Variants in FAT4 observed in about 807,000 individuals in gnomAD.
The protein encoded by FAT4 is protocadherin Fat 4.
FAT4 carries 84 observed loss-of-function variants against 303.9 expected under a neutral mutation model. The ratio of observed to expected loss-of-function variants is 0.28; its 90% CI spans 0.23 to 0.33. The LOEUF (loss-of-function observed/expected upper bound fraction) is 0.33, where lower values mean the gene tolerates loss of function less well. Among genes scored for constraint, FAT4 ranks in the 10% least tolerant of loss-of-function variants. The probability of loss-of-function intolerance (pLI) is 1.00; values close to 1 mark genes in which losing one functional copy is unlikely to be tolerated. For synonymous variants in FAT4, 2,307 were observed against 2,298.8 expected, an observed-to-expected ratio of 1.00 and a Z score of -0.10; for missense variants, 6,005 against 6,146.8, an observed-to-expected ratio of 0.98 and a Z score of 0.77.
rs1282764890 is a variant in FAT4, at chr4:125,452,321, A to C, written c.11311A>C (p.Asn3771His). 6.2e-7 allele frequency: 1 copy of C among 1,614,238 alleles called. No homozygotes were observed. The highest frequency in any genetic ancestry group is 8.5e-7 in the Non-Finnish European group (1 of 1,180,040). ...RTFLLAAVKR[N>H]HNQYVNPSGV... Reference sequence around the variant, plus strand: ...GTTTCTTTTGGCAGCTGTGAAGCGAAATCATAATCAGTATGTGAATCCCAG... The same window carrying C: ...GTTTCTTTTGGCAGCTGTGAAGCGACATCATAATCAGTATGTGAATCCCAG... Residue 3771 changes from asparagine (N) to histidine (H), a missense_variant, in exon 10 of 18, where the codon AAT (asparagine) becomes CAT (histidine). Transcript: ENST00000394329.
At chr4:125,332,193 C>T (rs1460696438) in intron 2 of FAT4, among the ~76,000 whole-genome samples, 11 of 143,160 alleles carry the variant, frequency 7.7e-5, no homozygotes, top group African/African-American at 2.9e-4. Flanking sequence ...TCAATTTCCT[C>T]AACAAGCCTG....
At chr4:125,391,464 A>G (rs1334996472) in intron 2 of FAT4, among the ~76,000 whole-genome samples, 2 of 152,154 alleles carry the variant, frequency 1.3e-5, no homozygotes, top group Admixed American at 1.3e-4. Flanking sequence ...TGGAAGTTGA[A>G]CAATGAGAAC....
intron 2 of FAT4, among the ~76,000 whole-genome samples, chr4:125,331,831 T>G (rs529981927): frequency 6.6e-6 from 1 of 152,292 alleles, no homozygotes; most frequent in African/African-American, 2.4e-5. Context: ...ACATCAATAA[T>G]ATCAGTAAAC....
chr4:125,385,872 A>G (rs549130167), intron 2 of FAT4, among the ~76,000 whole-genome samples: 1 of 152,280 alleles, frequency 6.6e-6, no homozygotes, highest in Non-Finnish European at 1.5e-5. Context: ...CTCTTATTCC[A>G]CTAAAAATGT....
intron 8 of FAT4, among the ~76,000 whole-genome samples, chr4:125,445,916 T>C (rs749623612): frequency 2.1e-4 from 32 of 152,154 alleles, no homozygotes; most frequent in Non-Finnish European, 1.9e-4. Flanking sequence ...ATTTTTAGTT[T>C]CATTTAAAAG....
At chr4:125,393,693 C>A (rs1352865012) in intron 2 of FAT4, among the ~76,000 whole-genome samples, 1 of 152,032 alleles carries the variant, frequency 6.6e-6, no homozygotes, top group African/African-American at 2.4e-5. Context: ...AAGCTGAATA[C>A]CAGGGATTTT....
intron 2 of FAT4, among the ~76,000 whole-genome samples, chr4:125,397,670 G>A (rs1011342350): frequency 6.6e-6 from 1 of 151,962 alleles, no homozygotes; most frequent in Non-Finnish European, 1.5e-5. Flanking sequence ...TCATTTATTT[G>A]TCTAGCTCTT....
intron 16 of FAT4, among the ~76,000 whole-genome samples, chr4:125,485,271 T>G (rs762520401): frequency 9.1e-5 from 1 of 10,988 alleles, no homozygotes; most frequent in Non-Finnish European, 2.0e-4. Context: ...GTAACTCTTT[T>G]AGTTTATAAA....
At chr4:125,439,416 T>C (rs1291445034) in intron 8 of FAT4, among the ~76,000 whole-genome samples, 1 of 150,804 alleles carries the variant, frequency 6.6e-6, no homozygotes, top group Non-Finnish European at 1.5e-5. Flanking sequence ...CACTGCAACC[T>C]CCGCCTTCCA....
chr4:125,457,278 G>A (rs559255102), intron 10 of FAT4, among the ~76,000 whole-genome samples: 25 of 152,160 alleles, frequency 1.6e-4, no homozygotes, highest in African/African-American at 4.1e-4. Flanking sequence ...TTAAATGTTA[G>A]CTGAATGGAG....
At chr4:125,474,055 A>G (rs1348266926) in intron 12 of FAT4, among the ~76,000 whole-genome samples, 1 of 152,100 alleles carries the variant, frequency 6.6e-6, no homozygotes, top group Admixed American at 6.5e-5. Context: ...TGGTAAAGCT[A>G]TAAAAATTCA....
chr4:125,476,115 AG>A, intron 12 of FAT4, 55 bp from the exon 13 acceptor site: 1 of 1,032,586 alleles, frequency 9.7e-7, no homozygotes, highest in Non-Finnish European at 1.4e-6. Context: ...TTGGCTGGAA[AG>A]GCTAATAGGG....
Position 125,450,477 on chromosome 4 carries a change from A to G in FAT4, c.9467A>G (p.Tyr3156Cys). The stretch of plus-strand genomic sequence containing the variant: ...TTAACACTAGCCAAAGCTCTTGATT[A>G]TGAGCTATGCCAGAAACACGAAATG... ...GILTLAKALD[Y>C]ELCQKHEMTI... The change falls in exon 10 of 18, where the codon TAT becomes TGT. Residue 3156 changes from tyrosine to cysteine, a missense_variant. Transcript: ENST00000394329. 6.2e-7 allele frequency: 1 copy of G among 1,614,148 alleles called. No homozygotes were observed. The highest frequency in any genetic ancestry group is 8.5e-7 in the Non-Finnish European group (1 of 1,180,010).
At chr4:125,387,710 T>C (rs762189232) in intron 2 of FAT4, among the ~76,000 whole-genome samples, 3 of 152,118 alleles carry the variant, frequency 2.0e-5, no homozygotes, top group African/African-American at 4.8e-5. Context: ...AAGGTATTAA[T>C]AGATTCAGAG....
At position 125,320,485 on chromosome 4, in the gene FAT4, C is replaced by T. The variant is rs553725749; in HGVS notation, c.4074C>T (p.Asn1358=). 5.6e-6 allele frequency: 9 copies of T among 1,614,096 alleles called. No homozygotes were observed. The African/African-American group carries it at 6.7e-5, about 12-fold the overall frequency. Residue 1358 remains asparagine, a synonymous_variant, in exon 2 of 18, where the codon AAC becomes AAT. Transcript: ENST00000394329. ...ADLYYSITGT[N]NHGTFSISPN... ...TATATTACAGTATTACTGGGACTAA[C>T]AACCACGGAACTTTTAGCATTAGCC... is the stretch of plus-strand genomic sequence containing the variant.
chr4:125,316,582 A>G lies in FAT4; in HGVS notation c.171A>G (p.Pro57=), dbSNP rs756826406. The G allele has an allele frequency of 1.2e-6, 2 of 1,613,912 alleles. No individual in the cohort carries two copies. The highest frequency in any genetic ancestry group is 1.1e-5 in the South Asian group (1 of 91,078). The change falls in exon 2 of 18, where the codon CCA becomes CCG. Residue 57 remains proline, a synonymous_variant. Transcript: ENST00000394329. This position sits in a 1 kb window ranked among gnomAD's most constrained non-coding sequence, Gnocchi z 5.7. ...QVFQVLEEQP[P]GTLVGTIQTR... ...TCCAAGTGCTGGAAGAGCAACCTCC[A>G]GGCACTCTGGTAGGCACCATCCAGA...
chr4:125,381,430 T>C (rs1308916804), intron 2 of FAT4, among the ~76,000 whole-genome samples: 6 of 148,826 alleles, frequency 4.0e-5, no homozygotes, highest in Non-Finnish European at 9.0e-5. Flanking sequence ...GTCATACAGT[T>C]TTTTTGGTGT....
Position 125,491,870 on chromosome 4 carries a change from A to G in FAT4, c.*102A>G. 8.4e-7 allele frequency: 1 copy of G among 1,196,524 alleles called. No homozygotes were observed. The highest frequency in any genetic ancestry group is 1.2e-6 in the Non-Finnish European group (1 of 866,412). 74.1% of individuals were successfully genotyped at this position (1,196,524 alleles called of 1,614,324 possible). On this transcript the variant is annotated 3_prime_UTR_variant, in exon 18 of 18. Coordinates refer to ENST00000394329, the MANE Select transcript of FAT4 (RefSeq NM_001291303.3). The stretch of plus-strand genomic sequence containing the variant: ...GGTCACATTTGAAAAACAGGCCAGT[A>G]TGGACTAGTGGTGGAGGGAAAACTT...
intron 12 of FAT4, among the ~76,000 whole-genome samples, chr4:125,469,307 A>C (rs2126076882): frequency 6.6e-6 from 1 of 152,330 alleles, no homozygotes; most frequent in East Asian, 1.9e-4. Context: ...CTCCTGACTG[A>C]GCCAGGTAGT....
Sources: gnomAD v4.1 joint callset for allele counts (sites outside exome capture counted in the v4.1 genomes callset) on GRCh38, gnomAD v4.1.1 for gene constraint, Gnocchi (gnomAD v3.1) non-coding constraint, MANE v1.5 for transcripts, NCBI Gene and HGNC (gene_info 2026-07-23, HGNC 2026-07-21) for gene names.